UHRF2: variants seen among roughly 807,000 people sequenced by gnomAD.
The protein encoded by UHRF2 is ubiquitin like with PHD and ring finger domains 2, also known as E3 ubiquitin-protein ligase UHRF2.
A neutral mutation model predicts 96.8 loss-of-function variants in UHRF2; 23 were observed. The ratio of observed to expected loss-of-function variants is 0.24; its 90% confidence interval spans 0.17 to 0.34. UHRF2 has a LOEUF of 0.34. UHRF2 is among the 10% of genes least tolerant of loss of function. UHRF2 has a pLI of 1.00. For synonymous variants in UHRF2, 385 were observed against 332.6 expected (o/e 1.16, Z -1.72); for missense variants, 685 against 981.5 (o/e 0.70, Z 4.04).
intron 2 of UHRF2, among the ~76,000 whole-genome samples, chr9:6,426,360 T>C (rs1820260815): frequency 6.6e-6 from 1 of 152,236 alleles, no homozygotes; most frequent in Non-Finnish European, 1.5e-5. Flanking sequence ...TGCTTGGTTA[T>C]ACAAATTGGC....
intron 5 of UHRF2, among the ~76,000 whole-genome samples, chr9:6,477,035 C>G (rs1407216842): frequency 6.6e-6 from 1 of 152,176 alleles, no homozygotes; most frequent in East Asian, 1.9e-4. Context: ...GAGTTTGAGA[C>G]CAGTCTGGCC....
At position 6,447,324 on chromosome 9, in the gene UHRF2, T is replaced by C. The variant is rs1280013642; in HGVS notation, c.644+13151T>C. Among the ~76,000 whole-genome samples the C allele has an allele frequency of 2.0e-5, 3 of 152,246 alleles. No individual in the cohort carries two copies. The East Asian group carries it at 5.8e-4, about 29-fold the overall frequency. The stretch of plus-strand genomic sequence containing the variant: ...AGTTTTCTGTTTAGTAAGTTGGACA[T>C]GTTTCCAGACATTTGTGGGCCTGGT... On this transcript the variant is annotated intron_variant, in intron 3 of 15. Transcript: ENST00000276893.
At chr9:6,473,780 AT>A (rs1173498477) in intron 4 of UHRF2, among the ~76,000 whole-genome samples, 1 of 152,242 alleles carries the variant, frequency 6.6e-6, no homozygotes, top group Admixed American at 6.5e-5. Context: ...CAAAAATCAG[AT>A]GGCATAACTA....
chr9:6,437,595 TG>T (rs1820927634), intron 3 of UHRF2, among the ~76,000 whole-genome samples: 1 of 152,042 alleles, frequency 6.6e-6, no homozygotes, highest in Non-Finnish European at 1.5e-5. Flanking sequence ...CATATAGTTA[TG>T]CTGTAAATCT....
intron 3 of UHRF2, among the ~76,000 whole-genome samples, chr9:6,438,317 G>A (rs1343926516): frequency 1.3e-5 from 2 of 152,188 alleles, no homozygotes; most frequent in Non-Finnish European, 2.9e-5. Flanking sequence ...TGGAGATGAT[G>A]CACTGCAAAG....
chr9:6,475,368 A>T (rs1326851992), intron 4 of UHRF2, 23 bp from the exon 5 acceptor site: 1 of 1,453,378 alleles, frequency 6.9e-7, no homozygotes, highest in Non-Finnish European at 9.2e-7. Context: ...GCAGAAGTTA[A>T]CCTTTCTTCC....
At chr9:6,463,810 C>T (rs1763212077) in intron 4 of UHRF2, among the ~76,000 whole-genome samples, 1 of 151,846 alleles carries the variant, frequency 6.6e-6, no homozygotes, top group Admixed American at 6.6e-5. Flanking sequence ...AATCTTTCAT[C>T]CTCACTGGTA....
chr9:6,483,752 CG>C (rs1824073808), intron 8 of UHRF2, among the ~76,000 whole-genome samples: 1 of 151,720 alleles, frequency 6.6e-6, no homozygotes, highest in African/African-American at 2.4e-5. Context: ...TGCAATGGCA[CG>C]ATCTTGGCTC....
chr9:6,422,154 G>A (rs1819965826), intron 2 of UHRF2, among the ~76,000 whole-genome samples: 1 of 152,120 alleles, frequency 6.6e-6, no homozygotes, highest in Admixed American at 6.6e-5. Flanking sequence ...ACTATACTTG[G>A]TTCCATTGGT....
chr9:6,467,572 A>G (rs190281063), intron 4 of UHRF2, among the ~76,000 whole-genome samples: 2 of 112,644 alleles, frequency 1.8e-5, no homozygotes, highest in East Asian at 2.5e-4. Flanking sequence ...TCAGTACGGT[A>G]TTTCATAGAT....
intron 4 of UHRF2, among the ~76,000 whole-genome samples, chr9:6,462,523 T>G (rs1453054738): frequency 6.6e-6 from 1 of 152,180 alleles, no homozygotes; most frequent in East Asian, 1.9e-4. Context: ...ACTGGCTATG[T>G]TAGGAGCCTT....
intron 4 of UHRF2, among the ~76,000 whole-genome samples, chr9:6,474,562 C>T (rs565862224): frequency 2.0e-5 from 3 of 152,150 alleles, no homozygotes; most frequent in South Asian, 2.1e-4. Flanking sequence ...AAAAATTAGC[C>T]GGGTATGGTG....
intron 3 of UHRF2, among the ~76,000 whole-genome samples, chr9:6,440,644 A>G (rs907333421): frequency 6.6e-6 from 1 of 152,208 alleles, no homozygotes; most frequent in Non-Finnish European, 1.5e-5. Flanking sequence ...AGGTATGTCA[A>G]CAACTTAGGG....
intron 2 of UHRF2, among the ~76,000 whole-genome samples, chr9:6,427,693 G>T (rs1449023797): frequency 6.6e-6 from 1 of 152,142 alleles, no homozygotes; most frequent in East Asian, 1.9e-4. Flanking sequence ...TCAAAAAAAA[G>T]AAATTTTAAT....
At chr9:6,474,278 G>A (rs1823427533) in intron 4 of UHRF2, among the ~76,000 whole-genome samples, 1 of 152,106 alleles carries the variant, frequency 6.6e-6, no homozygotes, top group Non-Finnish European at 1.5e-5. Context: ...GTGGAAGGAT[G>A]GAAAAAGTCT....
At chr9:6,471,011 C>T (rs1308416667) in intron 4 of UHRF2, among the ~76,000 whole-genome samples, 2 of 152,144 alleles carry the variant, frequency 1.3e-5, no homozygotes, top group Admixed American at 1.3e-4. Flanking sequence ...ACATGCTACT[C>T]TTAAGAAAGA....
At chr9:6,483,739 G>C (rs972751126) in intron 8 of UHRF2, among the ~76,000 whole-genome samples, 3 of 152,076 alleles carry the variant, frequency 2.0e-5, no homozygotes, top group Non-Finnish European at 2.9e-5. Flanking sequence ...GCCCAGGCTG[G>C]AGTGCAATGG....
chr9:6,439,830 CTA>C (rs1821059868), intron 3 of UHRF2, among the ~76,000 whole-genome samples: 1 of 152,062 alleles, frequency 6.6e-6, no homozygotes, highest in South Asian at 2.1e-4. Context: ...TGGAGAGAGA[CTA>C]TACTTGAATG....
chr9:6,413,679 G>A (rs955110615), intron 1 of UHRF2, 36 bp downstream of exon 1: 103 of 1,524,728 alleles, frequency 6.8e-5, no homozygotes, highest in Non-Finnish European at 8.4e-5. Context: ...GCGAGGCTGG[G>A]GGCCGGAACA....
Sources: gnomAD v4.1 joint callset for allele counts (sites outside exome capture counted in the v4.1 genomes callset) on GRCh38, gnomAD v4.1.1 for gene constraint, MANE v1.5 for transcripts, NCBI Gene and HGNC (gene_info 2026-07-23, HGNC 2026-07-21) for gene names.